Variants in BMAL2 observed in about 807,000 individuals in gnomAD.
The protein encoded by BMAL2 is basic helix-loop-helix ARNT like 2.
At chr12:27,380,806 C>T in the BMAL2 span, among the ~76,000 whole-genome samples, 121 of 151,574 alleles carry the variant, frequency 8.0e-4, no homozygotes, top group Non-Finnish European at 1.4e-3. Context: ...GTCCAGATTT[C>T]GAAACAAGCC....
chr12:27,377,517 A>G, the BMAL2 span: 1 of 152,156 alleles, frequency 6.6e-6, no homozygotes, highest in South Asian at 2.1e-4. Context: ...GCTGCTGTCC[A>G]TGCTGATGGG....
chr12:27,354,338 G>T, the BMAL2 span, among the ~76,000 whole-genome samples: 10 of 151,928 alleles, frequency 6.6e-5, no homozygotes, highest in Non-Finnish European at 1.2e-4. Context: ...AATAGTGTAT[G>T]TTCTCAGTTA....
At chr12:27,401,221 A>C in the BMAL2 span, 1 of 1,510,214 alleles carries the variant, frequency 6.6e-7, no homozygotes, top group African/African-American at 1.4e-5. Flanking sequence ...GAGTACACTC[A>C]CCACTTCTGA....
At chr12:27,339,478 G>A in the BMAL2 span, among the ~76,000 whole-genome samples, 9 of 152,104 alleles carry the variant, frequency 5.9e-5, no homozygotes, top group African/African-American at 1.4e-4. Flanking sequence ...CACAGTAATC[G>A]GATTGCTGAA....
At chr12:27,411,593 G>A in the BMAL2 span, among the ~76,000 whole-genome samples, 1 of 152,216 alleles carries the variant, frequency 6.6e-6, no homozygotes, top group Admixed American at 6.5e-5. Flanking sequence ...CTACTGATTA[G>A]TGATATCGAC....
the BMAL2 span, among the ~76,000 whole-genome samples, chr12:27,358,496 A>G: frequency 6.6e-6 from 1 of 152,130 alleles, no homozygotes; most frequent in Non-Finnish European, 1.5e-5. Context: ...CTTAAAGGGC[A>G]TTTTCTGTAT....
At chr12:27,408,457 G>A in the BMAL2 span, among the ~76,000 whole-genome samples, 1 of 152,138 alleles carries the variant, frequency 6.6e-6, no homozygotes, top group African/African-American at 2.4e-5. Flanking sequence ...ATCAATAAAT[G>A]TAATCCAGCA....
the BMAL2 span, among the ~76,000 whole-genome samples, chr12:27,404,215 ATT>A: frequency 7.3e-6 from 1 of 137,680 alleles, no homozygotes; most frequent in Non-Finnish European, 1.5e-5. Context: ...ACCACCATGC[ATT>A]TTTTTTTTTT....
the BMAL2 span, chr12:27,389,190 T>A: frequency 6.2e-7 from 1 of 1,608,520 alleles, no homozygotes; most frequent in African/African-American, 1.3e-5. Flanking sequence ...CTAGTTTGAC[T>A]GGACAAAGCT....
chr12:27,349,936 C>T, the BMAL2 span, among the ~76,000 whole-genome samples: 1 of 152,174 alleles, frequency 6.6e-6, no homozygotes, highest in East Asian at 1.9e-4. Flanking sequence ...GTGGCGAGCT[C>T]CTCATGTCGG....
chr12:27,400,948 T>C, the BMAL2 span, among the ~76,000 whole-genome samples: 2 of 152,080 alleles, frequency 1.3e-5, no homozygotes, highest in African/African-American at 2.4e-5. Flanking sequence ...TAAGCCAACA[T>C]GTAAACTTGG....
At chr12:27,419,499 A>G in the BMAL2 span, among the ~76,000 whole-genome samples, 4 of 152,340 alleles carry the variant, frequency 2.6e-5, no homozygotes, top group East Asian at 5.8e-4. Context: ...CAGTCCATTC[A>G]TGAGCACAAA....
At chr12:27,406,132 G>C in the BMAL2 span, among the ~76,000 whole-genome samples, 2 of 152,338 alleles carry the variant, frequency 1.3e-5, no homozygotes, top group Admixed American at 1.3e-4. Flanking sequence ...GTACCTGAAA[G>C]TGACGGGGAG....
chr12:27,374,379 G>T, the BMAL2 span, among the ~76,000 whole-genome samples: 1 of 152,062 alleles, frequency 6.6e-6, no homozygotes, highest in Non-Finnish European at 1.5e-5. Context: ...CATTTATTAG[G>T]TATTGTAAGT....
At chr12:27,402,474 T>A in the BMAL2 span, 6 of 608,778 alleles carry the variant, frequency 9.9e-6, no homozygotes, top group Non-Finnish European at 1.7e-5. Flanking sequence ...AGACCTTGAT[T>A]TCTGGTGGTG....
chr12:27,334,370 T>C, the BMAL2 span, among the ~76,000 whole-genome samples: 1 of 152,078 alleles, frequency 6.6e-6, no homozygotes, highest in African/African-American at 2.4e-5. Flanking sequence ...TTGTTAGGAG[T>C]AAATGAGATA....
At chr12:27,377,588 A>G in the BMAL2 span, 1 of 152,166 alleles carries the variant, frequency 6.6e-6, no homozygotes, top group Non-Finnish European at 1.5e-5. Context: ...TCTTTTAATC[A>G]TAACATTTTA....
chr12:27,394,697 G>T, the BMAL2 span: 1 of 152,108 alleles, frequency 6.6e-6, no homozygotes, highest in Non-Finnish European at 1.5e-5. Flanking sequence ...GGACTGAATT[G>T]TCCCCCCAGA....
the BMAL2 span, chr12:27,370,355 C>T: frequency 1.5e-5 from 10 of 662,274 alleles, no homozygotes; most frequent in African/African-American, 1.4e-4. Flanking sequence ...CTCCTTCCTG[C>T]CCCAATCCTT....
Sources: gnomAD v4.1 joint callset for allele counts (sites outside exome capture counted in the v4.1 genomes callset) on GRCh38, gnomAD v4.1.1 for gene constraint, MANE v1.5 for transcripts, NCBI Gene and HGNC (gene_info 2026-07-23, HGNC 2026-07-21) for gene names.